NTNG1: variants seen among roughly 807,000 people sequenced by gnomAD.
NTNG1 encodes netrin-G1.
A neutral mutation model predicts 54.0 loss-of-function variants in NTNG1; 16 were observed. The observed-to-expected ratio is 0.30, with a 90% confidence interval of 0.20 to 0.45. The LOEUF (loss-of-function observed/expected upper bound fraction) is 0.45. Ranked by LOEUF, NTNG1 falls within the 20% of genes least tolerant of loss-of-function variation. NTNG1 has a pLI of 1.00. For synonymous variants in NTNG1, 255 were observed against 263.1 expected (o/e 0.97, Z 0.30); for missense variants, 530 against 678.7 (o/e 0.78, Z 2.43).
At chr1:107,298,756 G>C (rs931636401) in intron 2 of NTNG1, among the ~76,000 whole-genome samples, 7 of 152,182 alleles carry the variant, frequency 4.6e-5, no homozygotes, top group African/African-American at 1.7e-4. Context: ...TGCAGCTCCT[G>C]TTGATGTGAC....
intron 3 of NTNG1, among the ~76,000 whole-genome samples, chr1:107,349,140 T>C (rs1669440215): frequency 6.6e-6 from 1 of 152,134 alleles, no homozygotes; most frequent in South Asian, 2.1e-4. Context: ...CAGGACCTCT[T>C]CATGAGCTTC....
chr1:107,202,413 A>G (rs921237663), intron 2 of NTNG1, among the ~76,000 whole-genome samples: 2 of 151,976 alleles, frequency 1.3e-5, no homozygotes, highest in Non-Finnish European at 2.9e-5. Context: ...TAAATGGTGC[A>G]TAGCATTTAG....
At chr1:107,174,926 A>G (rs1656527697) in intron 2 of NTNG1, among the ~76,000 whole-genome samples, 1 of 152,154 alleles carries the variant, frequency 6.6e-6, no homozygotes, top group African/African-American at 2.4e-5. Context: ...GAATGAATGA[A>G]TGAATTTTTA....
At chr1:107,229,029 A>G (rs564894473) in intron 2 of NTNG1, among the ~76,000 whole-genome samples, 1 of 152,194 alleles carries the variant, frequency 6.6e-6, no homozygotes, top group African/African-American at 2.4e-5. Flanking sequence ...GATGCATGAA[A>G]CATAGCCTTG....
chr1:107,287,095 T>C (rs900930875), intron 2 of NTNG1, among the ~76,000 whole-genome samples: 1 of 152,144 alleles, frequency 6.6e-6, no homozygotes, highest in Non-Finnish European at 1.5e-5. Context: ...AGTATACCTA[T>C]TGATATAAAG....
At chr1:107,333,537 A>C (rs1017239414) in intron 3 of NTNG1, among the ~76,000 whole-genome samples, 1 of 152,022 alleles carries the variant, frequency 6.6e-6, no homozygotes, top group Non-Finnish European at 1.5e-5. Flanking sequence ...TAGTCAAAAA[A>C]CATATATTAG....
intron 2 of NTNG1, among the ~76,000 whole-genome samples, chr1:107,303,483 G>A (rs894833335): frequency 6.7e-6 from 1 of 148,998 alleles, no homozygotes; most frequent in Non-Finnish European, 1.5e-5. Flanking sequence ...TTACAATGCA[G>A]ATGCTAACAC....
At chr1:107,389,074 A>T (rs1013976675) in intron 3 of NTNG1, among the ~76,000 whole-genome samples, 1 of 152,150 alleles carries the variant, frequency 6.6e-6, no homozygotes, top group African/African-American at 2.4e-5. Flanking sequence ...TTAAGGAAAA[A>T]CCCTCATTAA....
chr1:107,455,889 TA>T (rs1676925013), intron 7 of NTNG1, among the ~76,000 whole-genome samples: 1 of 152,202 alleles, frequency 6.6e-6, no homozygotes, highest in Non-Finnish European at 1.5e-5. Context: ...TCATTCCTTC[TA>T]AAATGGTGTA....
intron 2 of NTNG1, among the ~76,000 whole-genome samples, chr1:107,249,729 C>T (rs961507365): frequency 1.3e-5 from 2 of 152,156 alleles, no homozygotes; most frequent in Non-Finnish European, 2.9e-5. Flanking sequence ...AATGAGCTTA[C>T]TTCACATCGT....
chr1:107,315,235 T>C (rs1667268628), intron 2 of NTNG1, among the ~76,000 whole-genome samples: 1 of 152,112 alleles, frequency 6.6e-6, no homozygotes, highest in Non-Finnish European at 1.5e-5. Context: ...CTTCCATCCA[T>C]CCTCTTCTGT....
intron 2 of NTNG1, among the ~76,000 whole-genome samples, chr1:107,262,173 TA>T (rs1232718054): frequency 6.6e-6 from 1 of 152,234 alleles, no homozygotes; most frequent in Non-Finnish European, 1.5e-5. Flanking sequence ...AAAAGTCTTA[TA>T]AAGGTATTTT....
chr1:107,435,187 A>C (rs147077486), intron 6 of NTNG1, among the ~76,000 whole-genome samples: 4 of 152,274 alleles, frequency 2.6e-5, no homozygotes, highest in Non-Finnish European at 2.9e-5. Flanking sequence ...TAAAAAAAAA[A>C]ATTACAGTTT....
chr1:107,413,312 G>A (rs1008740499), intron 5 of NTNG1, among the ~76,000 whole-genome samples: 2 of 151,886 alleles, frequency 1.3e-5, no homozygotes, highest in Admixed American at 1.3e-4. Flanking sequence ...ACAGGCTCCT[G>A]CCACCACACA....
At chr1:107,171,084 A>G (rs1481191004) in intron 2 of NTNG1, among the ~76,000 whole-genome samples, 3 of 152,188 alleles carry the variant, frequency 2.0e-5, no homozygotes, top group African/African-American at 4.8e-5. Context: ...AACCAGATAC[A>G]GTTTTTAGCA....
intron 2 of NTNG1, among the ~76,000 whole-genome samples, chr1:107,152,602 A>G (rs1014676859): frequency 1.3e-4 from 20 of 152,216 alleles, no homozygotes; most frequent in African/African-American, 4.8e-4. Flanking sequence ...TATACAATTT[A>G]TGGCTCAGAA....
rs528638461 is a variant in NTNG1 at position 107,451,716 on chromosome 1, C to T, written c.1390+14917C>T. Among the ~76,000 whole-genome samples the T allele has an allele frequency of 1.7e-4, 26 of 152,214 alleles. 1 individual carries two copies. The highest frequency in any genetic ancestry group is 6.3e-4 in the African/African-American group (26 of 41,548). ...GAAGGAGTATGGTAGGAAGAGAGAC[C>T]TTGGTTTGAGAGGTTCATTAATCAG... On this transcript the variant is annotated intron_variant, in intron 7 of 7. Transcript: ENST00000370068.
intron 2 of NTNG1, among the ~76,000 whole-genome samples, chr1:107,190,141 G>A (rs1657793884): frequency 6.6e-6 from 1 of 152,102 alleles, no homozygotes; most frequent in African/African-American, 2.4e-5. Flanking sequence ...TAGAATGGTG[G>A]TTTCCAGGGA....
chr1:107,301,721 T>G lies in NTNG1; in HGVS notation c.247-22561T>G, dbSNP rs2101804862. Among the ~76,000 whole-genome samples, 3 of 152,322 alleles carry G rather than the reference T, an allele frequency of 2.0e-5. No homozygotes were observed. In the Middle Eastern group the frequency reaches 0.01, roughly 518 times the overall value. ...TGATCATCCCAGTTCTTTTCCAAAT[T>G]CTATTCTACGCAACACAAGTTCAAC... On this transcript the variant is annotated intron_variant, in intron 2 of 7. Transcript: ENST00000370068.
Sources: gnomAD v4.1 joint callset for allele counts (sites outside exome capture counted in the v4.1 genomes callset) on GRCh38, gnomAD v4.1.1 for gene constraint, MANE v1.5 for transcripts, NCBI Gene and HGNC (gene_info 2026-07-23, HGNC 2026-07-21) for gene names.